MALRD1: variants seen among roughly 807,000 people sequenced by gnomAD.
MALRD1 encodes MAM and LDL-receptor class A domain-containing protein 1.
MALRD1 carries 247 observed loss-of-function variants against 242.1 expected under a neutral mutation model. The observed-to-expected ratio is 1.02, with a 90% confidence interval of 0.92 to 1.13. The LOEUF is 1.13. MALRD1 is among the 50% of genes most tolerant of loss of function. The pLI, the probability that MALRD1 is intolerant of heterozygous loss-of-function variation, is 0.00. For missense variants in MALRD1, 2,989 were observed against 2,533.1 expected (o/e 1.18, Z -3.86); for synonymous variants, 995 against 866.6 (o/e 1.15, Z -2.60).
Position 19,576,297 on chromosome 10 carries a change from C to T in MALRD1, c.5680+8594C>T, listed in dbSNP as rs118132607. ...GAGCATACCACTTCCAATCCCAAGT[C>T]GTATTTCCACACTTCAAAGTCACAT... On this transcript the variant is annotated intron_variant, in intron 33 of 39. Transcript: ENST00000454679. 4.6e-3 allele frequency among the ~76,000 whole-genome samples: 702 copies of T among 152,280 alleles called. 2 individuals are homozygous for T. Among genetic ancestry groups the T allele is most frequent in the Non-Finnish European group, 6.9e-3 (467 of 68,020 alleles).
At chr10:19,308,341 A>G (rs1208529916) in intron 21 of MALRD1, among the ~76,000 whole-genome samples, 2 of 151,506 alleles carry the variant, frequency 1.3e-5, no homozygotes, top group East Asian at 3.9e-4. Flanking sequence ...AACATTCAAT[A>G]TCCTCCTCCT....
intron 10 of MALRD1, among the ~76,000 whole-genome samples, chr10:19,140,288 T>C (rs1833493070): frequency 1.3e-5 from 2 of 152,184 alleles, no homozygotes; most frequent in African/African-American, 4.8e-5. Flanking sequence ...TATGCTGTAG[T>C]GGTTAAATAT....
At chr10:19,525,293 A>G (rs1834057595) in intron 31 of MALRD1, among the ~76,000 whole-genome samples, 1 of 152,186 alleles carries the variant, frequency 6.6e-6, no homozygotes, top group Admixed American at 6.5e-5. Context: ...GAATGACTCA[A>G]TGAAACAGTT....
chr10:19,319,524 T>G (rs1564558755), intron 21 of MALRD1, among the ~76,000 whole-genome samples: 1 of 152,156 alleles, frequency 6.6e-6, no homozygotes, highest in African/African-American at 2.4e-5. Context: ...TGTCTTAATG[T>G]TTTAGCCCAT....
chr10:19,267,331 A>G (rs574918799), intron 19 of MALRD1, among the ~76,000 whole-genome samples: 1 of 152,200 alleles, frequency 6.6e-6, no homozygotes, highest in South Asian at 2.1e-4. Flanking sequence ...GGCACATTGT[A>G]CAACTGATGA....
chr10:19,629,694 C>T (rs898089811), intron 36 of MALRD1, among the ~76,000 whole-genome samples: 1 of 152,120 alleles, frequency 6.6e-6, no homozygotes, highest in South Asian at 2.1e-4. Context: ...AGAGACACAG[C>T]TCAGTGGTGG....
chr10:19,286,813 C>G (rs1218328159), intron 21 of MALRD1, among the ~76,000 whole-genome samples: 3 of 151,374 alleles, frequency 2.0e-5, no homozygotes, highest in African/African-American at 7.3e-5. Flanking sequence ...CTCCCTAACT[C>G]ATTTTATGAG....
intron 36 of MALRD1, among the ~76,000 whole-genome samples, chr10:19,642,912 G>T (rs560071964): frequency 1.3e-5 from 2 of 152,236 alleles, no homozygotes; most frequent in East Asian, 3.9e-4. Context: ...CAAACAAAGG[G>T]ATTATTACCA....
intron 26 of MALRD1, among the ~76,000 whole-genome samples, chr10:19,373,055 A>G (rs1208578161): frequency 1.3e-5 from 2 of 152,036 alleles, no homozygotes; most frequent in Non-Finnish European, 2.9e-5. Context: ...AATTTTAAAG[A>G]TGAAAAGTCT....
chr10:19,420,997 C>G (rs1317282956), intron 28 of MALRD1, among the ~76,000 whole-genome samples: 1 of 152,160 alleles, frequency 6.6e-6, no homozygotes, highest in Non-Finnish European at 1.5e-5. Context: ...CTTACACTTG[C>G]AAAATGACTC....
At chr10:19,465,187 T>C (rs1836157757) in intron 29 of MALRD1, among the ~76,000 whole-genome samples, 1 of 152,102 alleles carries the variant, frequency 6.6e-6, no homozygotes, top group Admixed American at 6.6e-5. Flanking sequence ...CTTACCAATT[T>C]AAATGCCCTT....
intron 14 of MALRD1, among the ~76,000 whole-genome samples, chr10:19,197,598 G>C (rs566891875): frequency 5.9e-4 from 90 of 152,242 alleles, no homozygotes; most frequent in Non-Finnish European, 9.9e-4. Flanking sequence ...TCAGTGGTGG[G>C]TGTCCTTTAC....
intron 4 of MALRD1, among the ~76,000 whole-genome samples, chr10:19,101,489 TA>T (rs1178012477): frequency 1.4e-5 from 2 of 138,446 alleles, no homozygotes; most frequent in Non-Finnish European, 3.0e-5. Context: ...GTATATTATA[TA>T]AAATATATAG....
At chr10:19,627,532 G>A (rs1839707046) in intron 36 of MALRD1, among the ~76,000 whole-genome samples, 1 of 151,944 alleles carries the variant, frequency 6.6e-6, no homozygotes, top group Non-Finnish European at 1.5e-5. Context: ...GAGGTCAGGT[G>A]CAAGACTAGC....
At chr10:19,462,036 A>G (rs1014470453) in intron 29 of MALRD1, among the ~76,000 whole-genome samples, 1 of 152,166 alleles carries the variant, frequency 6.6e-6, no homozygotes, top group Non-Finnish European at 1.5e-5. Flanking sequence ...AGACGGCAGG[A>G]TACATTAGAC....
At chr10:19,352,435 T>G in intron 26 of MALRD1, 138 bp downstream of exon 26, 1 of 880,816 alleles carries the variant, frequency 1.1e-6, no homozygotes, top group Admixed American at 2.9e-5. Context: ...CTTTTTAAAC[T>G]CAAAAAAATA....
intron 19 of MALRD1, among the ~76,000 whole-genome samples, chr10:19,274,003 T>C (rs1009708505): frequency 6.6e-6 from 1 of 152,108 alleles, no homozygotes; most frequent in African/African-American, 2.4e-5. Flanking sequence ...TATAGAGAGA[T>C]CAAAATTCTT....
Position 19,238,758 on chromosome 10 carries a change from T to A in MALRD1, c.2992-18926T>A, listed in dbSNP as rs573929408. Among the ~76,000 whole-genome samples, 9 of 150,198 alleles carry A rather than the reference T, an allele frequency of 6.0e-5. No homozygotes were observed. In the East Asian group the frequency reaches 1.4e-3, roughly 23 times the overall value. On this transcript the variant is annotated intron_variant, in intron 18 of 39. Transcript: ENST00000454679. ...TTGCTGGGTTATGTGATCGAATGATTGTTTTTTTTGTTTTTTTTTAAATTT... is the reference window on the plus strand; with the variant it reads ...TTGCTGGGTTATGTGATCGAATGATAGTTTTTTTTGTTTTTTTTTAAATTT...
chr10:19,596,212 C>G (rs1168057990), intron 34 of MALRD1, among the ~76,000 whole-genome samples: 4 of 152,164 alleles, frequency 2.6e-5, no homozygotes, highest in Admixed American at 6.5e-5. Flanking sequence ...AGTAATTACA[C>G]ACATCTTAAA....
Sources: allele counts gnomAD v4.1 joint callset (sites outside exome capture counted in the v4.1 genomes callset), GRCh38; gene constraint gnomAD v4.1.1; transcripts MANE v1.5; gene names NCBI Gene and HGNC (gene_info 2026-07-23, HGNC 2026-07-21).